RALGAPA1: variants seen among roughly 807,000 people sequenced by gnomAD.
RALGAPA1 encodes the protein Ral GTPase activating protein catalytic subunit alpha 1.
A neutral mutation model predicts 269.6 loss-of-function variants in RALGAPA1; 52 were observed. The ratio of observed to expected loss-of-function variants is 0.19; its 90% CI spans 0.15 to 0.24. The LOEUF is 0.24. Ranked by LOEUF, RALGAPA1 falls within the 10% of genes least tolerant of loss-of-function variation. RALGAPA1 has a pLI of 1.00. For synonymous variants in RALGAPA1, 817 were observed against 1,008.3 expected (o/e 0.81, Z 3.60); for missense variants, 1,917 against 3,013.9 (o/e 0.64, Z 8.52).
intron 16 of RALGAPA1, among the ~76,000 whole-genome samples, chr14:35,720,801 G>A (rs1333983311): frequency 1.3e-5 from 2 of 152,144 alleles, no homozygotes; most frequent in Non-Finnish European, 2.9e-5. Flanking sequence ...GCAGGCGCCT[G>A]TAGTCCTAGC....
chr14:35,550,112 G>A (rs1043183696), intron 39 of RALGAPA1, among the ~76,000 whole-genome samples: 4 of 152,216 alleles, frequency 2.6e-5, no homozygotes, highest in Non-Finnish European at 5.9e-5. Context: ...TTAGCACAGA[G>A]AGGGCGAGAA....
At chr14:35,564,256 G>A (rs1208979577) in intron 39 of RALGAPA1, 2 of 152,016 alleles carry the variant, frequency 1.3e-5, no homozygotes, top group Non-Finnish European at 2.9e-5. Flanking sequence ...ACTTATTGAT[G>A]TTATCTTCTG....
rs2142006531 is a variant in RALGAPA1, at chr14:35,809,027, G to T, written c.-192C>A. ...CCGCCACCTCCACCCGCCTCGCGCC[G>T]CGGCTCCAAGGCACCTTCGGCCCCA... On this transcript the variant is annotated 5_prime_UTR_variant, in exon 1 of 42. Coordinates refer to ENST00000680220, the MANE Select transcript of RALGAPA1 (RefSeq NM_001346249.2). The T allele has an allele frequency of 4.4e-6, 5 of 1,125,050 alleles. No individual in the cohort carries two copies. Among genetic ancestry groups the T allele is most frequent in the African/African-American group, 1.6e-5 (1 of 63,728 alleles). The allele number at this position is 1,125,050 out of a possible 1,614,324, so 69.7% of individuals were successfully genotyped here.
chr14:35,629,091 A>G (rs1029381214), intron 33 of RALGAPA1, among the ~76,000 whole-genome samples: 5 of 152,112 alleles, frequency 3.3e-5, no homozygotes, highest in African/African-American at 1.2e-4. Flanking sequence ...CTAGTTAAAG[A>G]CCGCCATTCT....
chr14:35,681,414 A>T (rs766257331), intron 21 of RALGAPA1, among the ~76,000 whole-genome samples: 12 of 152,228 alleles, frequency 7.9e-5, no homozygotes, highest in Non-Finnish European at 1.2e-4. Context: ...AAATATTAAA[A>T]TTTCTTAGAA....
In RALGAPA1 at chr14:35,750,642, T is replaced by C. The variant is rs1479920828; in HGVS notation, c.851A>G (p.Asp284Gly). The change falls in exon 9 of 42, where the codon GAT (aspartate) becomes GGT (glycine). Residue 284 changes from aspartate (D) to glycine (G), a missense_variant. This residue lies in a region of RALGAPA1 where 462 missense variants were observed against 725.6 expected (regional missense o/e 0.64). Transcript: ENST00000680220. The stretch of plus-strand genomic sequence containing the variant: ...ATAGATTGCTTCATTGGTTTCAGCA[T>C]CTTTCTTTATCACGACATAATGTGG... The part of the protein sequence containing the change: ...PKPHYVVIKK[D>G]AETNEAIYCT... 1 of 1,613,340 alleles carries C rather than the reference T, an allele frequency of 6.2e-7. No homozygotes were observed. Among genetic ancestry groups the C allele is most frequent in the Non-Finnish European group, 8.5e-7 (1 of 1,179,610 alleles).
chr14:35,753,118 C>T (rs2072875214), intron 7 of RALGAPA1, among the ~76,000 whole-genome samples: 2 of 152,118 alleles, frequency 1.3e-5, no homozygotes, highest in East Asian at 1.9e-4. Context: ...AAGGAAGGTA[C>T]GAGATGAGCT....
At chr14:35,644,039 A>G (rs2062211976) in intron 31 of RALGAPA1, among the ~76,000 whole-genome samples, 1 of 152,216 alleles carries the variant, frequency 6.6e-6, no homozygotes, top group African/African-American at 2.4e-5. Flanking sequence ...AAAACATATA[A>G]TTGGATTATT....
intron 4 of RALGAPA1, among the ~76,000 whole-genome samples, chr14:35,764,732 A>G (rs2141407789): frequency 6.6e-6 from 1 of 151,364 alleles, no homozygotes; most frequent in East Asian, 2.0e-4. Flanking sequence ...TTTTGTAGAG[A>G]TGGGGTTTTG....
intron 10 of RALGAPA1, 87 bp downstream of exon 10, chr14:35,748,498 A>AC: frequency 1.4e-6 from 2 of 1,426,202 alleles, no homozygotes; most frequent in Non-Finnish European, 1.8e-6. Context: ...AAAGGTACAC[A>AC]CCACTGTTCC....
At chr14:35,802,003 GA>G (rs2077011159) in intron 1 of RALGAPA1, among the ~76,000 whole-genome samples, 1 of 152,158 alleles carries the variant, frequency 6.6e-6, no homozygotes, top group Admixed American at 6.5e-5. Context: ...ATATCCAAAA[GA>G]ATCTACAAAA....
intron 35 of RALGAPA1, among the ~76,000 whole-genome samples, chr14:35,613,551 G>A (rs935311775): frequency 6.6e-6 from 1 of 152,168 alleles, no homozygotes; most frequent in Admixed American, 6.5e-5. Context: ...ACCTTCCAAA[G>A]GTTCTAGGGG....
chr14:35,771,015 A>T lies in RALGAPA1; in HGVS notation c.268-16T>A. On this transcript the variant is annotated splice_polypyrimidine_tract_variant and intron_variant, in intron 3 of 41. Coordinates refer to ENST00000680220, the MANE Select transcript of RALGAPA1 (RefSeq NM_001346249.2). ...GTAAAATTTTCTAAAAATCAATATA[A>T]AGAGAAAAAAAGAAAAGAATAAAAC... The T allele has an allele frequency of 8.9e-7, 1 of 1,123,328 alleles. No homozygotes were observed. The highest frequency in any genetic ancestry group is 1.3e-6 in the Non-Finnish European group (1 of 778,478). 69.6% of individuals were successfully genotyped at this position (1,123,328 alleles called of 1,614,324 possible).
chr14:35,688,829 G>A lies in RALGAPA1; in HGVS notation c.3582C>T (p.Ser1194=), dbSNP rs1441803766. 3.0e-6 allele frequency: 4 copies of A among 1,334,664 alleles called. No individual in the cohort carries two copies. The highest frequency in any genetic ancestry group is 2.9e-6 in the Non-Finnish European group (3 of 1,046,294). The allele number at this position is 1,334,664 out of a possible 1,614,324, so 82.7% of individuals were successfully genotyped here. The change falls in exon 18 of 42, where the codon AGC becomes AGT. Residue 1194 remains serine (S), a synonymous_variant. Coordinates refer to ENST00000680220, the MANE Select transcript of RALGAPA1 (RefSeq NM_001346249.2). ...FSSGSSNSST[S]NTHTSTNSAT... is the part of the protein sequence containing the mutation. ...CACTATTTGTGCTGGTATGGGTGTT[G>A]CTAGTGCTGCTATTGCTGCTACCAC...
intron 22 of RALGAPA1, chr14:35,677,674 C>A: frequency 6.2e-6 from 2 of 321,732 alleles, no homozygotes; most frequent in Non-Finnish European, 1.1e-5. Context: ...TTTTAGGAAA[C>A]ACTACCAATA....
chr14:35,795,340 A>G (rs971363265), intron 1 of RALGAPA1, among the ~76,000 whole-genome samples: 4 of 152,152 alleles, frequency 2.6e-5, no homozygotes, highest in Admixed American at 1.3e-4. Flanking sequence ...AGCTACACAC[A>G]GTGAGAATCC....
At chr14:35,743,689 T>C (rs2141177885) in intron 10 of RALGAPA1, among the ~76,000 whole-genome samples, 1 of 152,254 alleles carries the variant, frequency 6.6e-6, no homozygotes, top group East Asian at 1.9e-4. Context: ...AAAATAGATT[T>C]TGATTTTAAA....
At chr14:35,641,281 T>C (rs1455615820) in intron 31 of RALGAPA1, among the ~76,000 whole-genome samples, 1 of 152,114 alleles carries the variant, frequency 6.6e-6, no homozygotes, top group Non-Finnish European at 1.5e-5. Flanking sequence ...GGTATGCAAA[T>C]TGGAAAGGAA....
At position 35,678,111 on chromosome 14, in the gene RALGAPA1, A is replaced by G. The variant is rs755014292; in HGVS notation, c.4472-9T>C. ...GGAAGCACTTTCTGAACCTGTAAAT[A>G]TAATTTCATAAAATTACCATAAAGA... On this transcript the variant is annotated splice_polypyrimidine_tract_variant and intron_variant, in intron 21 of 41. Transcript: ENST00000680220. 2 of 1,597,300 alleles carry G rather than the reference A, an allele frequency of 1.3e-6. No homozygotes were observed. Among genetic ancestry groups the G allele is most frequent in the Admixed American group, 1.8e-5 (1 of 55,366 alleles).
Sources: gnomAD v4.1 joint callset for allele counts (sites outside exome capture counted in the v4.1 genomes callset) on GRCh38, gnomAD v4.1.1 for gene constraint, gnomAD v4.1.1 regional missense constraint, MANE v1.5 for transcripts, NCBI Gene and HGNC (gene_info 2026-07-23, HGNC 2026-07-21) for gene names.